Variants in ARSJ observed in about 807,000 individuals in gnomAD.
ARSJ encodes the protein arylsulfatase J.
Under a neutral mutation model 35.9 loss-of-function variants are expected in ARSJ, and 26 were observed. That is an observed-to-expected ratio of 0.72 (90% CI 0.53 to 1.00). The LOEUF is 1.00. Among genes scored for constraint, ARSJ ranks in the 50% least tolerant of loss-of-function variants. The probability of loss-of-function intolerance (pLI) is 0.00; values close to 1 mark genes in which losing one functional copy is unlikely to be tolerated. For synonymous variants in ARSJ, 294 were observed against 267.6 expected, an observed-to-expected ratio of 1.10 and a Z score of -0.96; for missense variants, 667 against 723.6, an observed-to-expected ratio of 0.92 and a Z score of 0.90.
intron 1 of ARSJ, among the ~76,000 whole-genome samples, chr4:113,918,936 G>A (rs779626985): frequency 3.3e-5 from 5 of 152,024 alleles, no homozygotes; most frequent in African/African-American, 9.6e-5. Flanking sequence ...GATACTAAGC[G>A]CGCATGTCGC....
intron 1 of ARSJ, among the ~76,000 whole-genome samples, chr4:113,925,603 T>A (rs4401517): frequency 1.3e-5 from 2 of 151,926 alleles, no homozygotes; most frequent in Non-Finnish European, 1.5e-5. Context: ...CCAGTGAATT[T>A]CACGAGCATG....
rs892476508 is a variant in ARSJ at position 113,905,088 on chromosome 4, C to T, written c.399-1413G>A. On this transcript the variant is annotated intron_variant, in intron 1 of 1. Coordinates refer to ENST00000315366, the MANE Select transcript of ARSJ (RefSeq NM_024590.4). The stretch of plus-strand genomic sequence containing the variant: ...AGTGGTATTTGCCAAGGGCGTTTTC[C>T]AAGAAGGGGTTATTATTACACAAGT... 4.0e-5 allele frequency among the ~76,000 whole-genome samples: 6 copies of T among 151,872 alleles called. No homozygotes were observed. In the East Asian group the frequency reaches 7.7e-4, roughly 20 times the overall value.
intron 1 of ARSJ, among the ~76,000 whole-genome samples, chr4:113,942,395 A>G (rs548538977): frequency 6.6e-6 from 1 of 152,192 alleles, no homozygotes; most frequent in Admixed American, 6.6e-5. Flanking sequence ...ATATCTCAGA[A>G]TACTAGGCTC....
intron 1 of ARSJ, among the ~76,000 whole-genome samples, chr4:113,933,704 T>C (rs1426381831): frequency 2.0e-5 from 3 of 151,652 alleles, no homozygotes; most frequent in Non-Finnish European, 4.4e-5. Context: ...TTCACCAAAC[T>C]GGGTGTGAAG....
Position 113,902,994 on chromosome 4 carries a change from A to C in ARSJ, c.1080T>G (p.His360Gln). ...EGGIRAVGFV[H>Q]SPLLKNKGTV... Reference sequence around the variant, plus strand: ...TTCCCTTGTTTTTCAGAAGTGGGCTATGCACAAAGCCTACAGCCCGGATCC... The same window carrying C: ...TTCCCTTGTTTTTCAGAAGTGGGCTCTGCACAAAGCCTACAGCCCGGATCC... Residue 360 changes from histidine (H) to glutamine (Q), a missense_variant, in exon 2 of 2, where the codon CAT becomes CAG. His to Gln is a conservative substitution (Grantham distance 24, BLOSUM62 0). Coordinates refer to ENST00000315366, the MANE Select transcript of ARSJ (RefSeq NM_024590.4). 6.2e-7 allele frequency: 1 copy of C among 1,614,146 alleles called. No homozygotes were observed. The highest frequency in any genetic ancestry group is 8.5e-7 in the Non-Finnish European group (1 of 1,180,018).
intron 1 of ARSJ, among the ~76,000 whole-genome samples, chr4:113,935,257 T>G (rs1724694871): frequency 6.6e-6 from 1 of 151,870 alleles, no homozygotes; most frequent in Non-Finnish European, 1.5e-5. Context: ...TGTAAATAAA[T>G]GCAAAATATG....
intron 1 of ARSJ, among the ~76,000 whole-genome samples, chr4:113,941,447 T>C (rs140769223): frequency 0.012 from 1,892 of 152,110 alleles, 17 homozygotes; most frequent in Middle Eastern, 0.054. Context: ...TGAGGAGGCA[T>C]GGCATATAGG....
chr4:113,965,548 TA>T (rs1480082264), intron 1 of ARSJ, among the ~76,000 whole-genome samples: 1 of 152,044 alleles, frequency 6.6e-6, no homozygotes, highest in Admixed American at 6.6e-5. Context: ...ACTTGGAGAA[TA>T]TATAAAAGAG....
Position 113,903,018 on chromosome 4 carries a change from C to T in ARSJ, c.1056G>A (p.Gly352=). ...TATGCACAAAGCCTACAGCCCGGATCCCTCCTTCCCAATATGTTCCTTTGC... is the reference window on the plus strand; with the variant it reads ...TATGCACAAAGCCTACAGCCCGGATTCCTCCTTCCCAATATGTTCCTTTGC... ...RGSKGTYWEG[G]IRAVGFVHSP... The change falls in exon 2 of 2, where the codon GGG becomes GGA. Residue 352 remains glycine (G), a synonymous_variant. Coordinates refer to ENST00000315366, the MANE Select transcript of ARSJ (RefSeq NM_024590.4). The T allele has an allele frequency of 6.2e-7, 1 of 1,614,152 alleles. No homozygotes were observed. Among genetic ancestry groups the T allele is most frequent in the Non-Finnish European group, 8.5e-7 (1 of 1,180,020 alleles).
At chr4:113,971,844 T>C (rs1727268003) in intron 1 of ARSJ, among the ~76,000 whole-genome samples, 1 of 152,132 alleles carries the variant, frequency 6.6e-6, no homozygotes, top group Non-Finnish European at 1.5e-5. Flanking sequence ...AAGAAGTGGA[T>C]GGAAGAGGAA....
chr4:113,923,873 G>C (rs1402598887), intron 1 of ARSJ, among the ~76,000 whole-genome samples: 3 of 150,632 alleles, frequency 2.0e-5, no homozygotes, highest in African/African-American at 7.3e-5. Flanking sequence ...TCCTATAAAA[G>C]TTCTATTGGA....
intron 1 of ARSJ, among the ~76,000 whole-genome samples, chr4:113,924,054 T>TATAA (rs765403429): frequency 8.0e-6 from 1 of 124,762 alleles, no homozygotes; most frequent in Non-Finnish European, 1.6e-5. Flanking sequence ...TAAATATATA[T>TATAA]AAATATATAT....
intron 1 of ARSJ, among the ~76,000 whole-genome samples, chr4:113,967,216 C>A (rs1726951112): frequency 6.6e-6 from 1 of 152,022 alleles, no homozygotes; most frequent in African/African-American, 2.4e-5. Flanking sequence ...TTATTACACC[C>A]AAGAAAAAGT....
At chr4:113,931,435 A>C (rs1724442741) in intron 1 of ARSJ, among the ~76,000 whole-genome samples, 1 of 152,084 alleles carries the variant, frequency 6.6e-6, no homozygotes, top group Non-Finnish European at 1.5e-5. Flanking sequence ...TGAGCTATGA[A>C]AGGAGCAGCT....
intron 1 of ARSJ, among the ~76,000 whole-genome samples, chr4:113,913,304 T>C (rs1327487439): frequency 6.6e-6 from 1 of 152,216 alleles, no homozygotes; most frequent in Non-Finnish European, 1.5e-5. Context: ...GATTACAATT[T>C]TCCTGGTCTC....
chr4:113,917,247 A>T (rs1723368365), intron 1 of ARSJ, among the ~76,000 whole-genome samples: 1 of 152,062 alleles, frequency 6.6e-6, no homozygotes, highest in Non-Finnish European at 1.5e-5. Context: ...TGTACCAATG[A>T]GAGGAATCAT....
chr4:113,948,687 G>C (rs183662787), intron 1 of ARSJ, among the ~76,000 whole-genome samples: 76 of 152,180 alleles, frequency 5.0e-4, no homozygotes, highest in Admixed American at 3.6e-3. Context: ...TTAGAACCAA[G>C]TTTCATAGCA....
At chr4:113,911,264 A>G (rs746300699) in intron 1 of ARSJ, among the ~76,000 whole-genome samples, 3 of 152,202 alleles carry the variant, frequency 2.0e-5, no homozygotes, top group Admixed American at 1.3e-4. Context: ...TATAGAGGTA[A>G]GTAGGTGCTC....
chr4:113,926,410 A>G (rs1724068220), intron 1 of ARSJ, among the ~76,000 whole-genome samples: 1 of 152,122 alleles, frequency 6.6e-6, no homozygotes, highest in Admixed American at 6.6e-5. Context: ...GATGTCCTAG[A>G]AAGGGGCTGA....
Sources: allele counts gnomAD v4.1 joint callset (sites outside exome capture counted in the v4.1 genomes callset), GRCh38; gene constraint gnomAD v4.1.1; transcripts MANE v1.5; gene names NCBI Gene and HGNC (gene_info 2026-07-23, HGNC 2026-07-21).